HUNK: variants seen among roughly 807,000 people sequenced by gnomAD.
HUNK encodes hormonally up-regulated Neu-associated kinase, also known as hormonally up-regulated neu tumor-associated kinase.
A neutral mutation model predicts 61.0 loss-of-function variants in HUNK; 21 were observed. The observed-to-expected ratio is 0.34, with a 90% CI of 0.24 to 0.50. The LOEUF is 0.50. Among genes scored for constraint, HUNK ranks in the 20% least tolerant of loss-of-function variants. The pLI is 0.98. For missense variants in HUNK, 772 were observed against 945.7 expected (o/e 0.82, Z 2.41); for synonymous variants, 371 against 386.1 (o/e 0.96, Z 0.46).
In HUNK at chr21:31,963,589, C is replaced by T. The variant is rs1032844434; in HGVS notation, c.874+4619C>T. On this transcript the variant is annotated intron_variant, in intron 5 of 10. Coordinates refer to ENST00000270112, the MANE Select transcript of HUNK (RefSeq NM_014586.2). Reference sequence around the variant, plus strand: ...CATGGCTCACTGCAGCCTCGGCCTCCGAAACCAAGCAGTCTTCCCGCCTCA... The same window carrying T: ...CATGGCTCACTGCAGCCTCGGCCTCTGAAACCAAGCAGTCTTCCCGCCTCA... Among the ~76,000 whole-genome samples the T allele has an allele frequency of 5.9e-5, 9 of 152,142 alleles. No individual in the cohort carries two copies. The East Asian group carries it at 7.7e-4, about 13-fold the overall frequency.
At chr21:31,880,576 C>T (rs1000782047) in intron 1 of HUNK, among the ~76,000 whole-genome samples, 2 of 152,146 alleles carry the variant, frequency 1.3e-5, no homozygotes, top group African/African-American at 4.8e-5. Flanking sequence ...GTCTCTTAAT[C>T]TTTTCCTATG....
chr21:31,875,828 C>A (rs755349577), intron 1 of HUNK, among the ~76,000 whole-genome samples: 1 of 152,254 alleles, frequency 6.6e-6, no homozygotes, highest in Non-Finnish European at 1.5e-5. Flanking sequence ...ATTCTTCTCG[C>A]CTGCCCTGGT....
intron 5 of HUNK, among the ~76,000 whole-genome samples, chr21:31,959,843 A>G (rs1224959088): frequency 6.6e-6 from 1 of 152,224 alleles, no homozygotes; most frequent in East Asian, 1.9e-4. Flanking sequence ...TTATCTTGGC[A>G]AGTGGAATCC....
chr21:31,983,862 G>C (rs8130638), intron 8 of HUNK, among the ~76,000 whole-genome samples: 85,669 of 152,012 alleles, frequency 0.56, 24,860 homozygotes, highest in African/African-American at 0.69. Context: ...GGCCGCACCT[G>C]GGACCCATTC....
intron 3 of HUNK, among the ~76,000 whole-genome samples, chr21:31,941,398 C>T (rs2052767680): frequency 6.6e-6 from 1 of 151,832 alleles, no homozygotes; most frequent in Non-Finnish European, 1.5e-5. Flanking sequence ...CCTCTGCCTC[C>T]CGGGTTCAAG....
At chr21:31,890,518 C>T (rs2052379950) in intron 1 of HUNK, among the ~76,000 whole-genome samples, 2 of 152,208 alleles carry the variant, frequency 1.3e-5, no homozygotes, top group South Asian at 4.1e-4. Context: ...GCATGAGCCA[C>T]CGCGCCTGGC....
At chr21:31,964,679 A>G (rs1055760822) in intron 5 of HUNK, among the ~76,000 whole-genome samples, 2 of 152,154 alleles carry the variant, frequency 1.3e-5, no homozygotes, top group Non-Finnish European at 2.9e-5. Flanking sequence ...ACAAACTTCA[A>G]AGAGCTCTAA....
chr21:31,901,315 G>A (rs756033125), intron 1 of HUNK, among the ~76,000 whole-genome samples: 22 of 152,138 alleles, frequency 1.4e-4, no homozygotes, highest in Admixed American at 2.6e-4. Flanking sequence ...TTTGCAGAGG[G>A]TAGAGATACA....
chr21:31,910,186 A>G (rs1278995370), intron 1 of HUNK, among the ~76,000 whole-genome samples: 1 of 152,198 alleles, frequency 6.6e-6, no homozygotes, highest in African/African-American at 2.4e-5. Flanking sequence ...GGGGCCTTCA[A>G]CAACAGACAT....
intron 4 of HUNK, among the ~76,000 whole-genome samples, chr21:31,948,817 C>T (rs1367080849): frequency 4.6e-5 from 7 of 152,084 alleles, no homozygotes; most frequent in Admixed American, 4.6e-4. Flanking sequence ...GAGATGAGCT[C>T]AGGATGTTCC....
At chr21:31,979,108 CTTTT>C (rs57678620) in intron 7 of HUNK, among the ~76,000 whole-genome samples, 1 of 142,254 alleles carries the variant, frequency 7.0e-6, no homozygotes, top group East Asian at 2.1e-4. Flanking sequence ...TTGGCCATTT[CTTTT>C]TTTTTTTTTG....
intron 1 of HUNK, among the ~76,000 whole-genome samples, chr21:31,896,067 G>A (rs896811237): frequency 0.11 from 17 of 150 alleles, no homozygotes; most frequent in Admixed American, 0.28. Context: ...GAGACTGCAC[G>A]AAGGCCACAG....
chr21:31,919,151 A>T (rs1296051457), intron 1 of HUNK, among the ~76,000 whole-genome samples: 127 of 74,958 alleles, frequency 1.7e-3, no homozygotes, highest in African/African-American at 7.0e-3. Flanking sequence ...CGGTATGAGG[A>T]GGAGGGGCTG....
At chr21:31,933,507 G>A (rs1006235673) in intron 2 of HUNK, among the ~76,000 whole-genome samples, 3 of 151,918 alleles carry the variant, frequency 2.0e-5, no homozygotes, top group Admixed American at 1.3e-4. Context: ...CAAATTGGCC[G>A]GGCGCAGTGG....
At chr21:31,976,770 T>A (rs1472700745) in intron 7 of HUNK, among the ~76,000 whole-genome samples, 1 of 108,706 alleles carries the variant, frequency 9.2e-6, no homozygotes, top group Non-Finnish European at 2.3e-5. Context: ...CCTGGCCCTC[T>A]TTTTTTTTTT....
chr21:31,926,883 T>A (rs969583266), intron 2 of HUNK, among the ~76,000 whole-genome samples: 1 of 152,114 alleles, frequency 6.6e-6, no homozygotes, highest in Non-Finnish European at 1.5e-5. Flanking sequence ...TTTAAAAAAA[T>A]TCAACATTTA....
chr21:31,916,176 G>T (rs113468126), intron 1 of HUNK, among the ~76,000 whole-genome samples: 10,112 of 144,498 alleles, frequency 0.07, 424 homozygotes, highest in South Asian at 0.19. Context: ...TCAGCCTCCC[G>T]AGTAGCTGGG....
intron 1 of HUNK, among the ~76,000 whole-genome samples, chr21:31,904,415 T>C (rs2052490783): frequency 6.6e-6 from 1 of 152,198 alleles, no homozygotes; most frequent in African/African-American, 2.4e-5. Flanking sequence ...TGGTGACCTC[T>C]TTTTGCAAAG....
At chr21:31,995,417 A>T (rs551988153) in intron 9 of HUNK, among the ~76,000 whole-genome samples, 2 of 152,340 alleles carry the variant, frequency 1.3e-5, no homozygotes, top group African/African-American at 2.4e-5. Flanking sequence ...CAATCTTTAA[A>T]TGTAGACAGT....
Sources: gnomAD v4.1 joint callset for allele counts (sites outside exome capture counted in the v4.1 genomes callset) on GRCh38, gnomAD v4.1.1 for gene constraint, MANE v1.5 for transcripts, NCBI Gene and HGNC (gene_info 2026-07-23, HGNC 2026-07-21) for gene names.